Variants in RPS6KC1 observed in about 807,000 individuals in gnomAD.
The protein encoded by RPS6KC1 is ribosomal protein S6 kinase C1.
A neutral mutation model predicts 103.8 loss-of-function variants in RPS6KC1; 54 were observed. That is an observed-to-expected ratio of 0.52 (90% confidence interval 0.42 to 0.65). The LOEUF (loss-of-function observed/expected upper bound fraction) is 0.65. RPS6KC1 is among the 30% of genes least tolerant of loss of function. The pLI, the probability that RPS6KC1 is intolerant of heterozygous loss-of-function variation, is 0.00. For missense variants in RPS6KC1, 1,151 were observed against 1,253.8 expected, an observed-to-expected ratio of 0.92 and a Z score of 1.24; for synonymous variants, 439 against 438.7, an observed-to-expected ratio of 1.00 and a Z score of -0.01.
At chr1:213,275,632 G>A (rs897962080), downstream of RPS6KC1, among the ~76,000 whole-genome samples, 4 of 151,940 alleles carry the variant, frequency 2.6e-5, no homozygotes, top group Non-Finnish European at 5.9e-5. Flanking sequence ...GGTACAATGC[G>A]ATATTTCTAT....
chr1:213,610,140 C>CA, the RPS6KC1 span, among the ~76,000 whole-genome samples: 1 of 152,062 alleles, frequency 6.6e-6, no homozygotes, highest in African/African-American at 2.4e-5. Flanking sequence ...ACATGATAAG[C>CA]AAAAAATGGC....
chr1:213,458,892 T>G, the RPS6KC1 span, among the ~76,000 whole-genome samples: 1 of 152,202 alleles, frequency 6.6e-6, no homozygotes, highest in Non-Finnish European at 1.5e-5. Context: ...TTGGTTCTGT[T>G]TATGTGATGG....
chr1:213,559,486 A>G, the RPS6KC1 span, among the ~76,000 whole-genome samples: 1 of 152,240 alleles, frequency 6.6e-6, no homozygotes, highest in East Asian at 1.9e-4. Flanking sequence ...AGCCAGTTGA[A>G]AAACAATGGA....
At chr1:213,074,751 C>T (rs1168849457) in intron 2 of RPS6KC1, among the ~76,000 whole-genome samples, 1 of 150,482 alleles carries the variant, frequency 6.6e-6, no homozygotes, top group African/African-American at 2.4e-5. Flanking sequence ...GGTTCATATA[C>T]CATGGTATTT....
At chr1:213,205,157 CCTGT>C (rs2093300497) in intron 8 of RPS6KC1, 3 of 651,132 alleles carry the variant, frequency 4.6e-6, no homozygotes, top group South Asian at 6.8e-5. Flanking sequence ...TAAATTTTTA[CCTGT>C]CTGTTTGAGT....
chr1:213,516,695 T>TTTG, the RPS6KC1 span, among the ~76,000 whole-genome samples: 2 of 151,960 alleles, frequency 1.3e-5, no homozygotes, highest in African/African-American at 2.4e-5. Flanking sequence ...AATTCTCTTT[T>TTTG]GTTGTGTCTC....
At chr1:213,548,269 G>A in the RPS6KC1 span, among the ~76,000 whole-genome samples, 6 of 152,252 alleles carry the variant, frequency 3.9e-5, no homozygotes, top group African/African-American at 1.4e-4. Context: ...TTATAGAAAA[G>A]TATATAAATA....
chr1:213,502,601 C>G, the RPS6KC1 span, among the ~76,000 whole-genome samples: 8 of 151,910 alleles, frequency 5.3e-5, no homozygotes, highest in Admixed American at 3.3e-4. Context: ...TCAGGAAAAC[C>G]ATGTAGTCAT....
the RPS6KC1 span, among the ~76,000 whole-genome samples, chr1:213,825,159 C>T: frequency 5.9e-5 from 9 of 152,328 alleles, no homozygotes; most frequent in East Asian, 1.4e-3. Flanking sequence ...GGCTCTGAAG[C>T]GTCAATTAAT....
chr1:213,809,406 T>C, the RPS6KC1 span, among the ~76,000 whole-genome samples: 1 of 152,138 alleles, frequency 6.6e-6, no homozygotes, highest in East Asian at 1.9e-4. Context: ...TTTGAGGTTT[T>C]GTGAGAATTA....
chr1:213,417,868 C>T, the RPS6KC1 span, among the ~76,000 whole-genome samples: 3 of 152,076 alleles, frequency 2.0e-5, no homozygotes, highest in African/African-American at 7.2e-5. Context: ...GTGTTGTTTC[C>T]CTGAACCTTA....
At chr1:213,781,337 A>G in the RPS6KC1 span, among the ~76,000 whole-genome samples, 2 of 152,176 alleles carry the variant, frequency 1.3e-5, no homozygotes, top group Admixed American at 1.3e-4. Context: ...TGTGCTGGGA[A>G]GATGAAGCCA....
rs2085337523 is a variant in RPS6KC1 at position 213,129,401 on chromosome 1, C to T, written c.473-126C>T. ...TAAACAAATTGCTAGACACTGACTT[C>T]CATCAGTAAATTACAGCCTTCCAAA... On this transcript the variant is annotated intron_variant, in intron 5 of 14. Transcript: ENST00000366960. 5 of 1,008,118 alleles carry T rather than the reference C, an allele frequency of 5.0e-6. No individual in the cohort carries two copies. In the South Asian group the frequency reaches 6.6e-5, roughly 13 times the overall value. 62.4% of individuals were successfully genotyped at this position (1,008,118 alleles called of 1,614,324 possible).
chr1:213,319,557 G>A, the RPS6KC1 span, among the ~76,000 whole-genome samples: 4 of 152,172 alleles, frequency 2.6e-5, no homozygotes, highest in Admixed American at 2.0e-4. Context: ...GCTGCACAAT[G>A]CGTGAAAGCA....
the RPS6KC1 span, among the ~76,000 whole-genome samples, chr1:213,410,125 A>T: frequency 3.9e-5 from 6 of 152,220 alleles, no homozygotes; most frequent in Non-Finnish European, 7.3e-5. Flanking sequence ...ACTGCACTCC[A>T]GCTGGGCAAC....
chr1:213,308,206 C>T, the RPS6KC1 span, among the ~76,000 whole-genome samples: 12 of 150,616 alleles, frequency 8.0e-5, no homozygotes, highest in East Asian at 4.0e-4. Flanking sequence ...TCCAGCTACT[C>T]GGGAGGCTGA....
the RPS6KC1 span, among the ~76,000 whole-genome samples, chr1:213,728,088 G>A: frequency 6.6e-6 from 1 of 152,082 alleles, no homozygotes; most frequent in African/African-American, 2.4e-5. Flanking sequence ...AGATAATAGA[G>A]GGAAGTGGAG....
chr1:213,106,453 C>G (rs2082511195), intron 4 of RPS6KC1, among the ~76,000 whole-genome samples: 1 of 152,080 alleles, frequency 6.6e-6, no homozygotes, highest in South Asian at 2.1e-4. Context: ...GAAACATGAT[C>G]TAGAGATAGT....
chr1:213,522,727 T>G, the RPS6KC1 span, among the ~76,000 whole-genome samples: 12 of 152,282 alleles, frequency 7.9e-5, no homozygotes, highest in Non-Finnish European at 1.3e-4. Context: ...CCAAATTTTC[T>G]TCTAGAGCTT....
Sources: gnomAD v4.1 joint callset for allele counts (sites outside exome capture counted in the v4.1 genomes callset) on GRCh38, gnomAD v4.1.1 for gene constraint, MANE v1.5 for transcripts, NCBI Gene and HGNC (gene_info 2026-07-23, HGNC 2026-07-21) for gene names.